Variants in ARSJ observed in about 807,000 individuals in gnomAD.
The protein encoded by ARSJ is arylsulfatase J.
Under a neutral mutation model 35.9 loss-of-function variants are expected in ARSJ, and 26 were observed. The ratio of observed to expected loss-of-function variants is 0.72; its 90% CI spans 0.53 to 1.00. The LOEUF is 1.00. Ranked by LOEUF, ARSJ falls within the 50% of genes least tolerant of loss-of-function variation. ARSJ has a pLI of 0.00. For synonymous variants in ARSJ, 294 were observed against 267.6 expected (o/e 1.10, Z -0.96); for missense variants, 667 against 723.6 (o/e 0.92, Z 0.90).
At chr4:113,964,141 A>G (rs1280930628) in intron 1 of ARSJ, among the ~76,000 whole-genome samples, 1 of 152,104 alleles carries the variant, frequency 6.6e-6, no homozygotes, top group East Asian at 1.9e-4. Flanking sequence ...TTTTAGAGAT[A>G]AATAATGACA....
intron 1 of ARSJ, among the ~76,000 whole-genome samples, chr4:113,949,924 C>T (rs1023547777): frequency 6.6e-6 from 1 of 152,122 alleles, no homozygotes; most frequent in Admixed American, 6.6e-5. Flanking sequence ...TTTGTCTTCC[C>T]CTTAATTTTA....
intron 1 of ARSJ, among the ~76,000 whole-genome samples, chr4:113,930,459 A>G (rs1228500442): frequency 6.6e-6 from 1 of 152,050 alleles, no homozygotes; most frequent in Non-Finnish European, 1.5e-5. Flanking sequence ...CTTTGGCAAC[A>G]CCCTCACAGA....
intron 1 of ARSJ, among the ~76,000 whole-genome samples, chr4:113,959,667 G>A (rs1228296161): frequency 6.6e-6 from 1 of 152,006 alleles, no homozygotes; most frequent in Non-Finnish European, 1.5e-5. Context: ...TTCACAGACA[G>A]TATATTTTAC....
chr4:113,939,932 CCCATTTGTCAAT>C (rs1725035458), intron 1 of ARSJ, among the ~76,000 whole-genome samples: 1 of 152,072 alleles, frequency 6.6e-6, no homozygotes, highest in Non-Finnish European at 1.5e-5. Context: ...TTAATTAGAT[CCCATTTGTCAAT>C]TTTGGCTTTT....
intron 1 of ARSJ, among the ~76,000 whole-genome samples, chr4:113,968,333 T>G (rs1022052041): frequency 2.6e-5 from 4 of 152,198 alleles, no homozygotes; most frequent in Admixed American, 2.6e-4. Context: ...AAGTTTATAA[T>G]TTAGTGTATT....
rs551778165 is a variant in ARSJ at position 113,970,575 on chromosome 4, G to A, written c.398+7862C>T. 3 of 152,478 alleles carry A rather than the reference G, an allele frequency of 2.0e-5. No homozygotes were observed. In the East Asian group the frequency reaches 5.8e-4, roughly 29 times the overall value. 9.4% of individuals were successfully genotyped at this position (152,478 alleles called of 1,614,324 possible). The stretch of plus-strand genomic sequence containing the variant: ...TTATTTCTTTTCCTATTCTTTGGTA[G>A]CCAGTGGGGGACCTGGGAGGGTGTT... On this transcript the variant is annotated intron_variant, in intron 1 of 1. Coordinates refer to ENST00000315366, the MANE Select transcript of ARSJ (RefSeq NM_024590.4).
intron 1 of ARSJ, among the ~76,000 whole-genome samples, chr4:113,957,366 G>GA (rs1726248022): frequency 1.3e-5 from 2 of 151,404 alleles, no homozygotes; most frequent in African/African-American, 4.9e-5. Flanking sequence ...CCTCTCCTGA[G>GA]AAAAAAATAG....
At chr4:113,937,857 GA>G (rs1374710541) in intron 1 of ARSJ, among the ~76,000 whole-genome samples, 2 of 152,018 alleles carry the variant, frequency 1.3e-5, no homozygotes, top group African/African-American at 4.8e-5. Flanking sequence ...TCTTCAAGGA[GA>G]ACTACAAACC....
At chr4:113,904,840 CACAAT>C (rs1355428234) in intron 1 of ARSJ, among the ~76,000 whole-genome samples, 4 of 152,196 alleles carry the variant, frequency 2.6e-5, no homozygotes, top group African/African-American at 9.6e-5. Context: ...TTTCTGACTA[CACAAT>C]ACATTATTGT....
chr4:113,953,448 G>A (rs1431259266), intron 1 of ARSJ, among the ~76,000 whole-genome samples: 1 of 151,978 alleles, frequency 6.6e-6, no homozygotes, highest in Non-Finnish European at 1.5e-5. Context: ...TAAAGTCAAG[G>A]CAAATGAATA....
intron 1 of ARSJ, chr4:113,943,615 G>A (rs1164884003): frequency 1.3e-5 from 2 of 151,996 alleles, no homozygotes; most frequent in African/African-American, 4.8e-5. Flanking sequence ...ACTGCTATGG[G>A]AAAAAGCAAA....
At chr4:113,963,748 C>T (rs1350247415) in intron 1 of ARSJ, among the ~76,000 whole-genome samples, 1 of 152,026 alleles carries the variant, frequency 6.6e-6, no homozygotes, top group Admixed American at 6.6e-5. Context: ...AAATCAAGGG[C>T]CATTACTTAA....
At chr4:113,966,189 C>T (rs1431564778) in intron 1 of ARSJ, among the ~76,000 whole-genome samples, 1 of 151,690 alleles carries the variant, frequency 6.6e-6, no homozygotes, top group African/African-American at 2.4e-5. Context: ...TGTATTATAG[C>T]TTAATAATTG....
At position 113,978,864 on chromosome 4, in the gene ARSJ, G is replaced by T. The variant is rs769829614; in HGVS notation, c.-30C>A. The T allele has an allele frequency of 3.2e-6, 5 of 1,558,498 alleles. No homozygotes were observed. Reference sequence around the variant, plus strand: ...TCAGGTCCCAGGTGAGACTCCACGCGGAGAACCACGCGCCCCGCGCCGCTG... The same window carrying T: ...TCAGGTCCCAGGTGAGACTCCACGCTGAGAACCACGCGCCCCGCGCCGCTG... On this transcript the variant is annotated 5_prime_UTR_variant, in exon 1 of 2. Transcript: ENST00000315366.
rs376168511 is a variant in ARSJ at position 113,978,517 on chromosome 4, G to A, written c.318C>T (p.Leu106=). Residue 106 remains leucine, a synonymous_variant, in exon 1 of 2, where the codon CTC becomes CTT. Transcript: ENST00000315366. ...SEIKTPTLDK[L]AAEGVKLENY... ...TCTCCAGTTTAACTCCTTCGGCAGC[G>A]AGCTTGTCAAGAGTAGGTGTTTTAA... is the stretch of plus-strand genomic sequence containing the variant. 16 of 1,613,988 alleles carry A rather than the reference G, an allele frequency of 9.9e-6. No individual in the cohort carries two copies. The highest frequency in any genetic ancestry group is 1.4e-5 in the Non-Finnish European group (16 of 1,179,924).
At chr4:113,938,511 A>G (rs1487958459) in intron 1 of ARSJ, among the ~76,000 whole-genome samples, 1 of 152,012 alleles carries the variant, frequency 6.6e-6, no homozygotes, top group East Asian at 1.9e-4. Flanking sequence ...ATCAAAAACA[A>G]TTGCAACAAA....
intron 1 of ARSJ, among the ~76,000 whole-genome samples, chr4:113,924,076 AATATATATATAT>A (rs1164333093): frequency 1.1e-4 from 11 of 95,714 alleles, no homozygotes; most frequent in African/African-American, 3.8e-4. Flanking sequence ...AATATATATA[AATATATATATAT>A]ATATATATAT....
At chr4:113,964,562 T>C (rs1007754753) in intron 1 of ARSJ, among the ~76,000 whole-genome samples, 3 of 152,078 alleles carry the variant, frequency 2.0e-5, no homozygotes, top group Non-Finnish European at 2.9e-5. Flanking sequence ...CTGCAGACTT[T>C]AGGAGGAAAA....
chr4:113,944,542 C>T (rs1004290150), intron 1 of ARSJ, among the ~76,000 whole-genome samples: 10 of 151,898 alleles, frequency 6.6e-5, no homozygotes, highest in Admixed American at 3.3e-4. Flanking sequence ...AACATATTGT[C>T]GAAGATCTAG....
Sources: gnomAD v4.1 joint callset for allele counts (sites outside exome capture counted in the v4.1 genomes callset) on GRCh38, gnomAD v4.1.1 for gene constraint, MANE v1.5 for transcripts, NCBI Gene and HGNC (gene_info 2026-07-23, HGNC 2026-07-21) for gene names.